The following ZNF784 variants were observed in gnomAD, a reference collection of about 807,000 sequenced individuals.
ZNF784 encodes the protein zinc finger protein 784.
In ZNF784, 5 loss-of-function variants were observed where a neutral mutation model predicts 3.3. The ratio of observed to expected loss-of-function variants is 1.53; its 90% CI spans 0.80 to 3.22. The LOEUF is 3.22. Ranked by LOEUF, ZNF784 falls within the 30% of genes most tolerant of loss-of-function variation. ZNF784 has a pLI of 0.00. For missense variants in ZNF784, 501 were observed against 480.7 expected, an observed-to-expected ratio of 1.04 and a Z score of -0.39; for synonymous variants, 231 against 219.6, an observed-to-expected ratio of 1.05 and a Z score of -0.46.
In ZNF784 at chr19:55,622,555, G is replaced by C; in HGVS notation, c.168C>G (p.Val56=). 1 of 1,611,224 alleles carries C rather than the reference G, an allele frequency of 6.2e-7. No homozygotes were observed. Among genetic ancestry groups the C allele is most frequent in the Non-Finnish European group, 8.5e-7 (1 of 1,179,150 alleles). The part of the protein sequence containing the change: ...QVVKVTDTTL[V]PEPPEPGSFH... ...AAGAACCTGGCTCCGGGGGCTCAGG[G>C]ACCAGCGTGGTGTCCGTCACCTTCA... The change falls in exon 2 of 2, where the codon GTC becomes GTG. Residue 56 remains valine (V), a synonymous_variant. Transcript: ENST00000325351. This position sits in a 1 kb window ranked among gnomAD's most constrained non-coding sequence, Gnocchi z 5.9.
chr19:55,622,043 C>A lies in ZNF784; in HGVS notation c.680G>T (p.Gly227Val). 1 of 1,591,722 alleles carries A rather than the reference C, an allele frequency of 6.3e-7. No individual in the cohort carries two copies. The highest frequency in any genetic ancestry group is 1.7e-5 in the Admixed American group (1 of 59,052). The change falls in exon 2 of 2, where the codon GGC becomes GTC. Residue 227 changes from glycine (G) to valine (V), a missense_variant. Physicochemically the swap from Gly to Val is moderately radical, Grantham distance 109. Coordinates refer to ENST00000325351, the MANE Select transcript of ZNF784 (RefSeq NM_203374.2). The surrounding 1 kb of genome is among the most constrained non-coding windows in gnomAD (Gnocchi z 5.9). ...VHTGERPYHC[G>V]ICGKGFTQSS... ...CTGGGTGAAGCCCTTGCCGCAGATG[C>A]CGCAATGGTATGGCCGCTCGCCAGT...
In ZNF784 at chr19:55,621,695, TC is replaced by T; in HGVS notation, c.*55del. On this transcript the variant is annotated 3_prime_UTR_variant, in exon 2 of 2. Transcript: ENST00000325351. This position sits in a 1 kb window ranked among gnomAD's most constrained non-coding sequence, Gnocchi z 4.1. ...CCTCCGTTTCCCCACCCCGTCCCCCTCCCCGGGTCGGCCTCGTACCTCCGCC... is the reference window on the plus strand; with the variant it reads ...CCTCCGTTTCCCCACCCCGTCCCCCTCCCGGGTCGGCCTCGTACCTCCGCC... 2.8e-6 allele frequency: 2 copies of T among 724,412 alleles called. No individual in the cohort carries two copies. The highest frequency in any genetic ancestry group is 4.9e-5 in the East Asian group (1 of 20,436). 44.9% of individuals were successfully genotyped at this position (724,412 alleles called of 1,614,324 possible). A position where few individuals can be genotyped will look rare whatever the true frequency, so the allele number is the denominator to read the frequency against.
At chr19:55,624,326 C>G (rs1227042956) in intron 1 of ZNF784, 158 bp downstream of exon 1, 3 of 409,060 alleles carry the variant, frequency 7.3e-6, no homozygotes, top group African/African-American at 6.6e-5. Context: ...CTCCCCTGCC[C>G]CGCCCCTCGC....
chr19:55,621,363 T>C lies in ZNF784; in HGVS notation c.*388A>G, dbSNP rs2123599738. The C allele has an allele frequency of 3.1e-6, 1 of 318,280 alleles. No individual in the cohort carries two copies. 19.7% of individuals were successfully genotyped at this position (318,280 alleles called of 1,614,324 possible). ...ACTATGGTGGACCCCAATTCCCCCC[T>C]TCCATTCGATCCTGGCTCCTCCTCT... On this transcript the variant is annotated 3_prime_UTR_variant, in exon 2 of 2. Transcript: ENST00000325351. This position sits in a 1 kb window ranked among gnomAD's most constrained non-coding sequence, Gnocchi z 4.1.
At position 55,622,591 on chromosome 19, in the gene ZNF784, C is replaced by T. The variant is rs1981610991; in HGVS notation, c.132G>A (p.Glu44=). The T allele has an allele frequency of 1.9e-6, 3 of 1,601,526 alleles. No individual in the cohort carries two copies. Among genetic ancestry groups the T allele is most frequent in the African/African-American group, 2.7e-5 (2 of 74,508 alleles). ...RPGTPPSDLI[E]IQVVKVTDTT... The stretch of plus-strand genomic sequence containing the variant: ...TGTCCGTCACCTTCACCACCTGGAT[C>T]TCGATGAGGTCACTCGGGGGTGTGC... The change falls in exon 2 of 2, where the codon GAG becomes GAA. Residue 44 remains glutamate (E), a synonymous_variant. Transcript: ENST00000325351. This position sits in a 1 kb window ranked among gnomAD's most constrained non-coding sequence, Gnocchi z 5.9.
Position 55,622,049 on chromosome 19 carries a change from T to C in ZNF784, c.674A>G (p.His225Arg). ...ERVHTGERPY[H>R]CGICGKGFTQ... ...GAAGCCCTTGCCGCAGATGCCGCAA[T>C]GGTATGGCCGCTCGCCAGTGTGCAC... The change falls in exon 2 of 2, where the codon CAT (histidine) becomes CGT (arginine). Residue 225 changes from histidine to arginine, a missense_variant. Coordinates refer to ENST00000325351, the MANE Select transcript of ZNF784 (RefSeq NM_203374.2). This position sits in a 1 kb window ranked among gnomAD's most constrained non-coding sequence, Gnocchi z 5.9. The C allele has an allele frequency of 6.3e-7, 1 of 1,591,072 alleles. No homozygotes were observed. The highest frequency in any genetic ancestry group is 8.5e-7 in the Non-Finnish European group (1 of 1,176,592).
At chr19:55,623,879 T>G (rs1389332436) in intron 1 of ZNF784, among the ~76,000 whole-genome samples, 1 of 152,210 alleles carries the variant, frequency 6.6e-6, no homozygotes. Context: ...AGAGCCGAAG[T>G]AGGAGCTCAG....
intron 1 of ZNF784, 99 bp downstream of exon 1, chr19:55,624,385 C>G: frequency 9.0e-7 from 1 of 1,116,726 alleles, no homozygotes; most frequent in Non-Finnish European, 1.3e-6. Context: ...AAATACCTCC[C>G]TCGCCCACCC....
chr19:55,623,739 A>T (rs1317563891), intron 1 of ZNF784, among the ~76,000 whole-genome samples: 1 of 152,132 alleles, frequency 6.6e-6, no homozygotes, highest in African/African-American at 2.4e-5. Flanking sequence ...ATTTATAGAA[A>T]TTGGCTCAAT....
Position 55,622,292 on chromosome 19 carries a change from A to G in ZNF784, c.431T>C (p.Leu144Pro). ...CPRAFKALAP[L>P]LRHQHRHGVE... ...CCCGTGCCGGTGCTGGTGCCGGAGC[A>G]GGGGCGCCAAGGCCTTGAAGGCGCG... Residue 144 changes from leucine (L) to proline (P), a missense_variant, in exon 2 of 2, where the codon CTG (leucine) becomes CCG (proline). By Grantham distance (98) the Leu-to-Pro change is moderately conservative (BLOSUM62 -3). Transcript: ENST00000325351. The surrounding 1 kb of genome is among the most constrained non-coding windows in gnomAD (Gnocchi z 5.9). 1 of 1,523,338 alleles carries G rather than the reference A, an allele frequency of 6.6e-7. No individual in the cohort carries two copies. Among genetic ancestry groups the G allele is most frequent in the Middle Eastern group, 2.0e-4 (1 of 4,940 alleles). The allele number at this position is 1,523,338 out of a possible 1,614,324, so 94.4% of individuals were successfully genotyped here. A position where few individuals can be genotyped will look rare whatever the true frequency, so the allele number is the denominator to read the frequency against.
Position 55,622,117 on chromosome 19 carries a change from G to A in ZNF784, c.606C>T (p.Ala202=), listed in dbSNP as rs771728937. The A allele has an allele frequency of 9.0e-6, 14 of 1,553,598 alleles. No individual in the cohort carries two copies. The highest frequency in any genetic ancestry group is 1.1e-5 in the Non-Finnish European group (13 of 1,156,798). ...TGTCTGAGGAGCGGCGGAAGGGCTT[G>A]GCGCAGAACCTGCAGGCAAAAGGCT... is the stretch of plus-strand genomic sequence containing the variant. The part of the protein sequence containing the change: ...VGKPFACRFC[A]KPFRRSSDMR... The change falls in exon 2 of 2, where the codon GCC becomes GCT. Residue 202 remains alanine, a synonymous_variant. Coordinates refer to ENST00000325351, the MANE Select transcript of ZNF784 (RefSeq NM_203374.2). This position sits in a 1 kb window ranked among gnomAD's most constrained non-coding sequence, Gnocchi z 5.9.
At chr19:55,623,195 A>AATT (rs531728935) in intron 1 of ZNF784, among the ~76,000 whole-genome samples, 6 of 152,006 alleles carry the variant, frequency 3.9e-5, no homozygotes, top group African/African-American at 1.5e-4. Context: ...AACAAACAAA[A>AATT]ATTATTATTA....
Position 55,622,528 on chromosome 19 carries a change from G to A in ZNF784, c.195C>T (p.Phe65=), listed in dbSNP as rs1027898481. ...LVPEPPEPGS[F]HCALCPAAFR... Reference sequence around the variant, plus strand: ...AGGCAGCAGGGCACAAGGCACAGTGGAAAGAACCTGGCTCCGGGGGCTCAG... The same window carrying A: ...AGGCAGCAGGGCACAAGGCACAGTGAAAAGAACCTGGCTCCGGGGGCTCAG... The change falls in exon 2 of 2, where the codon TTC becomes TTT. Residue 65 remains phenylalanine (F), a synonymous_variant. Transcript: ENST00000325351. The surrounding 1 kb of genome is among the most constrained non-coding windows in gnomAD (Gnocchi z 5.9). 1.9e-6 allele frequency: 3 copies of A among 1,612,244 alleles called. No homozygotes were observed. Among genetic ancestry groups the A allele is most frequent in the Admixed American group, 1.7e-5 (1 of 59,912 alleles).
At chr19:55,624,369 A>C in intron 1 of ZNF784, 115 bp downstream of exon 1, 1 of 665,976 alleles carries the variant, frequency 1.5e-6, no homozygotes, top group Non-Finnish European at 2.3e-6. Flanking sequence ...CCAGGGCCAT[A>C]GCACTAAATA....
In ZNF784 at chr19:55,622,731, C is replaced by T. The variant is rs778519781; in HGVS notation, c.79-87G>A. The T allele has an allele frequency of 1.1e-4, 132 of 1,254,240 alleles. No homozygotes were observed. Among genetic ancestry groups the T allele is most frequent in the Non-Finnish European group, 1.3e-4 (126 of 944,976 alleles). The allele number at this position is 1,254,240 out of a possible 1,614,324, so 77.7% of individuals were successfully genotyped here. A position where few individuals can be genotyped will look rare whatever the true frequency, so the allele number is the denominator to read the frequency against. Reference sequence around the variant, plus strand: ...CCCAATTATTAAAGCTTGGGCTCCTCTGTTATTTTCAGACAGGGCCTCACT... The same window carrying T: ...CCCAATTATTAAAGCTTGGGCTCCTTTGTTATTTTCAGACAGGGCCTCACT... On this transcript the variant is annotated intron_variant, in intron 1 of 1. Coordinates refer to ENST00000325351, the MANE Select transcript of ZNF784 (RefSeq NM_203374.2). The surrounding 1 kb of genome is among the most constrained non-coding windows in gnomAD (Gnocchi z 5.9).
In ZNF784 at chr19:55,622,452, C is replaced by T. The variant is rs1459825434; in HGVS notation, c.271G>A (p.Ala91Thr). 1 of 1,608,882 alleles carries T rather than the reference C, an allele frequency of 6.2e-7. No individual in the cohort carries two copies. Among genetic ancestry groups the T allele is most frequent in the South Asian group, 1.1e-5 (1 of 90,528 alleles). ...LFHEHGHLAGAEGGGQGGDPS... is the reference protein window; with the variant it reads ...LFHEHGHLAGTEGGGQGGDPS... ...TCCCCACCCTGCCCGCCTCCCTCGGCCCCAGCCAAGTGGCCATGTTCGTGG... is the reference window on the plus strand; with the variant it reads ...TCCCCACCCTGCCCGCCTCCCTCGGTCCCAGCCAAGTGGCCATGTTCGTGG... Residue 91 changes from alanine to threonine, a missense_variant, in exon 2 of 2, where the codon GCC (alanine) becomes ACC (threonine). By Grantham distance (58) the Ala-to-Thr change is moderately conservative. Coordinates refer to ENST00000325351, the MANE Select transcript of ZNF784 (RefSeq NM_203374.2). The surrounding 1 kb of genome is among the most constrained non-coding windows in gnomAD (Gnocchi z 5.9).
Position 55,622,330 on chromosome 19 carries a change from G to A in ZNF784, c.393C>T (p.Cys131=), listed in dbSNP as rs1312620054. 1 of 1,510,696 alleles carries A rather than the reference G, an allele frequency of 6.6e-7. No homozygotes were observed. Among genetic ancestry groups the A allele is most frequent in the Non-Finnish European group, 8.8e-7 (1 of 1,130,860 alleles). 93.6% of individuals were successfully genotyped at this position (1,510,696 alleles called of 1,614,324 possible). A position where few individuals can be genotyped will look rare whatever the true frequency, so the allele number is the denominator to read the frequency against. ...CCTTGAAGGCGCGGGGGCAGAGCGC[G>A]CAGCGGTAGGGCCGCTCCCCCGTGT... ...SLHTGERPYR[C]ALCPRAFKAL... is the part of the protein sequence containing the mutation. Residue 131 remains cysteine (C), a synonymous_variant, in exon 2 of 2, where the codon TGC becomes TGT. Coordinates refer to ENST00000325351, the MANE Select transcript of ZNF784 (RefSeq NM_203374.2). The surrounding 1 kb of genome is among the most constrained non-coding windows in gnomAD (Gnocchi z 5.9).
chr19:55,622,210 C>T lies in ZNF784; in HGVS notation c.513G>A (p.Arg171=). 6.5e-7 allele frequency: 1 copy of T among 1,534,754 alleles called. No homozygotes were observed. Among genetic ancestry groups the T allele is most frequent in the Non-Finnish European group, 8.7e-7 (1 of 1,145,478 alleles). The stretch of plus-strand genomic sequence containing the variant: ...CCGCCCTCTCCGGGGCCACCCCGGG[C>T]CTCTGTTCTGCAACGGCCGCTGTGT... ...PPDTAAVAEQ[R]PGVAPERAEV... The change falls in exon 2 of 2, where the codon AGG becomes AGA. Residue 171 remains arginine, a synonymous_variant. Transcript: ENST00000325351. This position sits in a 1 kb window ranked among gnomAD's most constrained non-coding sequence, Gnocchi z 5.9.
chr19:55,623,236 G>A (rs1981632695), intron 1 of ZNF784, among the ~76,000 whole-genome samples: 1 of 152,180 alleles, frequency 6.6e-6, no homozygotes, highest in Admixed American at 6.5e-5. Flanking sequence ...GTCCCACTAT[G>A]TTGCCCAGGC....
Sources: allele counts gnomAD v4.1 joint callset (sites outside exome capture counted in the v4.1 genomes callset), GRCh38; gene constraint gnomAD v4.1.1; non-coding constraint Gnocchi (gnomAD v3.1); transcripts MANE v1.5; gene names NCBI Gene and HGNC (gene_info 2026-07-23, HGNC 2026-07-21).